LRRC40: variants seen among roughly 807,000 people sequenced by gnomAD.
LRRC40 encodes leucine-rich repeat-containing protein 40.
In LRRC40, 76 loss-of-function variants were observed where a neutral mutation model predicts 72.8. The ratio of observed to expected loss-of-function variants is 1.04; its 90% CI spans 0.87 to 1.26. The LOEUF (loss-of-function observed/expected upper bound fraction) is 1.26, where lower values mean the gene tolerates loss of function less well. LRRC40 is among the 50% of genes most tolerant of loss of function. The probability of loss-of-function intolerance (pLI) is 0.00; values close to 1 mark genes in which losing one functional copy is unlikely to be tolerated. For missense variants in LRRC40, 684 were observed against 698.9 expected, an observed-to-expected ratio of 0.98 and a Z score of 0.24; for synonymous variants, 243 against 254.2, an observed-to-expected ratio of 0.96 and a Z score of 0.42.
At chr1:70,198,815 A>C (rs1668670374) in intron 1 of LRRC40, among the ~76,000 whole-genome samples, 1 of 152,198 alleles carries the variant, frequency 6.6e-6, no homozygotes, top group African/African-American at 2.4e-5. Context: ...TACAAATAGA[A>C]GCCAGAAAAA....
chr1:70,161,301 A>T (rs535466126), intron 9 of LRRC40, among the ~76,000 whole-genome samples: 40 of 151,508 alleles, frequency 2.6e-4, no homozygotes, highest in Admixed American at 7.2e-4. Context: ...AGCCAGGATG[A>T]TCTCGATCTC....
At chr1:70,158,795 T>G (rs1667694237) in intron 10 of LRRC40, among the ~76,000 whole-genome samples, 1 of 152,154 alleles carries the variant, frequency 6.6e-6, no homozygotes, top group Non-Finnish European at 1.5e-5. Flanking sequence ...TTTACTAACA[T>G]AGACACCCAC....
Position 70,205,293 on chromosome 1 carries a change from AG to A in LRRC40, c.151+96del. On this transcript the variant is annotated intron_variant, in intron 1 of 14. Coordinates refer to ENST00000370952, the MANE Select transcript of LRRC40 (RefSeq NM_017768.5). ...CACAGAAATTCTGGCTAGCAGTCTG[AG>A]AAAGGGGGCCAAAGCCAGCCCAGAG... The A allele has an allele frequency of 4.1e-6, 5 of 1,228,048 alleles. No homozygotes were observed. The Middle Eastern group carries it at 6.4e-4, about 156-fold the overall frequency. 76.1% of individuals were successfully genotyped at this position (1,228,048 alleles called of 1,614,324 possible).
At chr1:70,152,306 T>C (rs487613) in intron 12 of LRRC40, 127 bp downstream of exon 12, 48,312 of 577,390 alleles carry the variant, frequency 0.084, 2,562 homozygotes, top group South Asian at 0.19. Context: ...TCCTAAACTA[T>C]TGTTAATAAA....
intron 9 of LRRC40, among the ~76,000 whole-genome samples, chr1:70,164,914 A>G (rs759620596): frequency 6.6e-6 from 1 of 152,204 alleles, no homozygotes; most frequent in Non-Finnish European, 1.5e-5. Context: ...AACTATCAGG[A>G]TTATTTGAAA....
intron 1 of LRRC40, among the ~76,000 whole-genome samples, chr1:70,190,026 A>G (rs1325510315): frequency 1.3e-5 from 2 of 152,244 alleles, no homozygotes; most frequent in Non-Finnish European, 2.9e-5. Flanking sequence ...GCAGCAAGTG[A>G]TGACACCTGT....
intron 9 of LRRC40, among the ~76,000 whole-genome samples, chr1:70,170,628 C>T (rs1358606563): frequency 6.6e-6 from 1 of 151,932 alleles, no homozygotes; most frequent in Non-Finnish European, 1.5e-5. Flanking sequence ...AATTATATGC[C>T]TAATAGCATC....
chr1:70,192,409 T>G (rs1455696758), intron 1 of LRRC40, among the ~76,000 whole-genome samples: 1 of 152,144 alleles, frequency 6.6e-6, no homozygotes, highest in African/African-American at 2.4e-5. Context: ...AGGATGGCGA[T>G]TCCTCAAAGA....
Position 70,189,132 on chromosome 1 carries a change from G to T in LRRC40, c.293C>A (p.Thr98Lys). 6.2e-7 allele frequency: 1 copy of T among 1,613,750 alleles called. No homozygotes were observed. Among genetic ancestry groups the T allele is most frequent in the Middle Eastern group, 1.7e-4 (1 of 6,058 alleles). Reference protein sequence around the residue: ...IISNNKLQSLTDDLRLLPALT... With the variant: ...IISNNKLQSLKDDLRLLPALT... ...TGCAGGCAAGAGTCGCAGGTCATCT[G>T]TAAGTGACTGAAGTTTATTGTTTGA... The change falls in exon 2 of 15, where the codon ACA (threonine) becomes AAA (lysine). Residue 98 changes from threonine (T) to lysine (K), a missense_variant. Thr to Lys is a moderately conservative substitution (Grantham distance 78). Transcript: ENST00000370952.
chr1:70,176,018 A>G (rs1483892061), intron 6 of LRRC40, 36 bp from the exon 7 acceptor site: 28 of 1,289,710 alleles, frequency 2.2e-5, no homozygotes, highest in Non-Finnish European at 2.8e-5. Context: ...GTATCTCTGT[A>G]TTCAATTTTA....
At chr1:70,145,928 G>T in intron 14 of LRRC40, 23 bp from the exon 15 acceptor site, 4 of 1,159,384 alleles carry the variant, frequency 3.5e-6, no homozygotes, top group Non-Finnish European at 5.1e-6. Flanking sequence ...GAGAAATTGA[G>T]AATGTAAACA....
Position 70,187,265 on chromosome 1 carries a change from C to T in LRRC40, c.407G>A (p.Ser136Asn). The change falls in exon 3 of 15, where the codon AGC (serine) becomes AAC (asparagine). Residue 136 changes from serine to asparagine, a missense_variant and splice_region_variant. Transcript: ENST00000370952. ...ELENLQKLNV[S>N]HNKLKILPEE... ...ATAAGTAAATAAGCTTAATTTTTAC[C>T]TGACATTAAGTTTCTGAAGATTTTC... 6.7e-7 allele frequency: 1 copy of T among 1,495,242 alleles called. No individual in the cohort carries two copies. Among genetic ancestry groups the T allele is most frequent in the Non-Finnish European group, 9.3e-7 (1 of 1,076,646 alleles). 92.6% of individuals were successfully genotyped at this position (1,495,242 alleles called of 1,614,324 possible). A position where few individuals can be genotyped will look rare whatever the true frequency, so the allele number is the denominator to read the frequency against.
intron 11 of LRRC40, among the ~76,000 whole-genome samples, chr1:70,154,956 T>A (rs1391331467): frequency 1.3e-5 from 2 of 152,170 alleles, no homozygotes. Flanking sequence ...AGCAATTGAC[T>A]ATATTGCTCA....
At chr1:70,167,541 C>G (rs906022062) in intron 9 of LRRC40, among the ~76,000 whole-genome samples, 1 of 152,092 alleles carries the variant, frequency 6.6e-6, no homozygotes, top group Non-Finnish European at 1.5e-5. Context: ...GGCTGGGTGA[C>G]AGAATGAGAC....
chr1:70,164,770 T>G (rs954019672), intron 9 of LRRC40, among the ~76,000 whole-genome samples: 9 of 152,228 alleles, frequency 5.9e-5, no homozygotes, highest in Admixed American at 5.9e-4. Context: ...AAGATTTGCA[T>G]GTCAGATTGC....
At chr1:70,199,906 G>A (rs1013703642) in intron 1 of LRRC40, among the ~76,000 whole-genome samples, 8 of 151,882 alleles carry the variant, frequency 5.3e-5, no homozygotes, top group African/African-American at 1.9e-4. Context: ...TTCAGTTATG[G>A]GTAAAAGTTA....
chr1:70,146,527 C>T (rs1377691160), intron 14 of LRRC40, among the ~76,000 whole-genome samples: 1 of 152,066 alleles, frequency 6.6e-6, no homozygotes, highest in Non-Finnish European at 1.5e-5. Flanking sequence ...TGAGGAAATA[C>T]AAATTTAGGG....
At chr1:70,198,984 C>T (rs1668674958) in intron 1 of LRRC40, among the ~76,000 whole-genome samples, 1 of 151,870 alleles carries the variant, frequency 6.6e-6, no homozygotes, top group African/African-American at 2.4e-5. Flanking sequence ...GACCTCATCT[C>T]TACAAAAAAT....
At chr1:70,157,336 A>G (rs1464025913) in intron 10 of LRRC40, among the ~76,000 whole-genome samples, 1 of 152,218 alleles carries the variant, frequency 6.6e-6, no homozygotes, top group East Asian at 1.9e-4. Flanking sequence ...GCTATTTAAA[A>G]ATTTTAGTTG....
Sources: gnomAD v4.1 joint callset for allele counts (sites outside exome capture counted in the v4.1 genomes callset) on GRCh38, gnomAD v4.1.1 for gene constraint, MANE v1.5 for transcripts, NCBI Gene and HGNC (gene_info 2026-07-23, HGNC 2026-07-21) for gene names.